Variants in SPOCK3 observed in about 807,000 individuals in gnomAD.
The protein encoded by SPOCK3 is SPARC (osteonectin), cwcv and kazal like domains proteoglycan 3.
A neutral mutation model predicts 56.6 loss-of-function variants in SPOCK3; 30 were observed. The ratio of observed to expected loss-of-function variants is 0.53; its 90% CI spans 0.40 to 0.72. SPOCK3 has a LOEUF of 0.72. SPOCK3 is among the 30% of genes least tolerant of loss of function. SPOCK3 has a pLI of 0.00. For missense variants in SPOCK3, 527 were observed against 530.0 expected (o/e 0.99, Z 0.06); for synonymous variants, 196 against 183.3 (o/e 1.07, Z -0.56).
intron 2 of SPOCK3, among the ~76,000 whole-genome samples, chr4:167,093,824 G>A (rs1394618340): frequency 6.6e-6 from 1 of 152,134 alleles, no homozygotes; most frequent in African/African-American, 2.4e-5. Context: ...TGGGATTGCT[G>A]GGTCAAATGG....
At chr4:167,057,854 C>T (rs1162455494) in intron 3 of SPOCK3, among the ~76,000 whole-genome samples, 1 of 152,118 alleles carries the variant, frequency 6.6e-6, no homozygotes, top group Non-Finnish European at 1.5e-5. Context: ...TTTAACACCC[C>T]ACTGTCAACA....
intron 6 of SPOCK3, among the ~76,000 whole-genome samples, chr4:166,878,569 A>G (rs568273683): frequency 9.6e-4 from 146 of 152,220 alleles, no homozygotes; most frequent in African/African-American, 3.3e-3. Flanking sequence ...TATTTAACTC[A>G]TAGCTTGTAG....
chr4:166,797,290 G>A (rs1156534483), intron 6 of SPOCK3, among the ~76,000 whole-genome samples: 2 of 122,560 alleles, frequency 1.6e-5, no homozygotes, highest in Non-Finnish European at 3.3e-5. Context: ...AGGCTGGAGT[G>A]CAATGTTTCT....
Position 167,087,667 on chromosome 4 carries a change from C to G in SPOCK3, c.190-25130G>C, listed in dbSNP as rs79932540. Among the ~76,000 whole-genome samples, 1,272 of 152,168 alleles carry G rather than the reference C, an allele frequency of 8.4e-3. 17 individuals carry two copies. Among genetic ancestry groups the G allele is most frequent in the African/African-American group, 0.029 (1,211 of 41,524 alleles). On this transcript the variant is annotated intron_variant, in intron 2 of 10. Coordinates refer to ENST00000357545, the MANE Select transcript of SPOCK3 (RefSeq NM_001040159.2). Reference sequence around the variant, plus strand: ...ATCTGAGATTGCTCCTGCAGTAAATCGCCTAAAGTTATTGAATTTATTTCA... The same window carrying G: ...ATCTGAGATTGCTCCTGCAGTAAATGGCCTAAAGTTATTGAATTTATTTCA...
intron 6 of SPOCK3, among the ~76,000 whole-genome samples, chr4:166,811,788 C>G (rs1020586081): frequency 2.6e-5 from 4 of 151,790 alleles, no homozygotes; most frequent in African/African-American, 9.7e-5. Context: ...ATTTTCAAAG[C>G]TATACTTTGT....
rs1223567829 is a variant in SPOCK3 at position 167,194,713 on chromosome 4, G to A, written c.189+39272C>T. 3.3e-5 allele frequency among the ~76,000 whole-genome samples: 5 copies of A among 152,302 alleles called. No homozygotes were observed. The South Asian group carries it at 1.0e-3, about 32-fold the overall frequency. On this transcript the variant is annotated intron_variant, in intron 2 of 10. Transcript: ENST00000357545. The stretch of plus-strand genomic sequence containing the variant: ...TATCAGGTCCCTGGCTGGCAGGCCT[G>A]TTTCAGGGACTTAGGTAGTTGTGGA...
chr4:166,746,195 A>C (rs1412225109), intron 8 of SPOCK3, among the ~76,000 whole-genome samples: 7 of 152,114 alleles, frequency 4.6e-5, no homozygotes, highest in African/African-American at 9.7e-5. Context: ...TTCTTCTCAG[A>C]AGCACATCAC....
chr4:166,850,833 A>G (rs1729930520), intron 6 of SPOCK3, among the ~76,000 whole-genome samples: 1 of 152,168 alleles, frequency 6.6e-6, no homozygotes, highest in Non-Finnish European at 1.5e-5. Context: ...ACAGAGTCTC[A>G]CTGATTGCTA....
At chr4:166,915,253 T>C (rs1429943469) in intron 4 of SPOCK3, among the ~76,000 whole-genome samples, 2 of 152,136 alleles carry the variant, frequency 1.3e-5, no homozygotes, top group Non-Finnish European at 2.9e-5. Flanking sequence ...CAAACCACCA[T>C]GGCAGGTGTA....
At chr4:167,113,326 C>CATTT (rs1761056862) in intron 2 of SPOCK3, among the ~76,000 whole-genome samples, 3 of 151,882 alleles carry the variant, frequency 2.0e-5, no homozygotes, top group African/African-American at 7.2e-5. Flanking sequence ...TATGATTATA[C>CATTT]ATTTATATGA....
At chr4:167,020,074 C>T (rs1223253097) in intron 3 of SPOCK3, among the ~76,000 whole-genome samples, 1 of 152,024 alleles carries the variant, frequency 6.6e-6, no homozygotes, top group Non-Finnish European at 1.5e-5. Context: ...AACTTTGGGA[C>T]CTTTTGTTAC....
intron 5 of SPOCK3, among the ~76,000 whole-genome samples, chr4:166,898,452 C>A (rs1307887421): frequency 6.6e-6 from 1 of 152,056 alleles, no homozygotes; most frequent in Non-Finnish European, 1.5e-5. Flanking sequence ...AGGCACCCAA[C>A]CCAAGTCACT....
chr4:167,079,597 A>G (rs1366942341), intron 2 of SPOCK3, among the ~76,000 whole-genome samples: 1 of 151,950 alleles, frequency 6.6e-6, no homozygotes. Flanking sequence ...GATGCCAAAA[A>G]CACATAAGAA....
At chr4:166,777,243 C>T (rs1446678137) in intron 7 of SPOCK3, among the ~76,000 whole-genome samples, 1 of 151,836 alleles carries the variant, frequency 6.6e-6, no homozygotes, top group Non-Finnish European at 1.5e-5. Flanking sequence ...TGAAAAGAAA[C>T]AAAAACATTG....
chr4:167,036,684 A>G (rs1306793638), intron 3 of SPOCK3, among the ~76,000 whole-genome samples: 1 of 152,128 alleles, frequency 6.6e-6, no homozygotes, highest in African/African-American at 2.4e-5. Context: ...CAATCCATCA[A>G]AACAAAAATG....
intron 2 of SPOCK3, among the ~76,000 whole-genome samples, chr4:167,105,066 G>A (rs1759981857): frequency 6.6e-6 from 1 of 152,022 alleles, no homozygotes; most frequent in Non-Finnish European, 1.5e-5. Context: ...AACAAAAGCT[G>A]AGGGATTTCA....
chr4:167,072,956 C>T (rs895549250), intron 2 of SPOCK3, among the ~76,000 whole-genome samples: 14 of 151,822 alleles, frequency 9.2e-5, no homozygotes, highest in African/African-American at 3.4e-4. Flanking sequence ...TCCTAGAATG[C>T]TTCTTAGGTT....
chr4:166,888,043 T>C (rs1194077718), intron 6 of SPOCK3, among the ~76,000 whole-genome samples: 3 of 152,004 alleles, frequency 2.0e-5, no homozygotes, highest in Admixed American at 6.6e-5. Flanking sequence ...AACATTTAGT[T>C]TTATTTTGTT....
At chr4:166,797,023 T>G (rs1742011437) in intron 6 of SPOCK3, among the ~76,000 whole-genome samples, 1 of 152,076 alleles carries the variant, frequency 6.6e-6, no homozygotes, top group African/African-American at 2.4e-5. Context: ...GACATGAAAA[T>G]GACAATATAA....
Sources: gnomAD v4.1 joint callset for allele counts (sites outside exome capture counted in the v4.1 genomes callset) on GRCh38, gnomAD v4.1.1 for gene constraint, MANE v1.5 for transcripts, NCBI Gene and HGNC (gene_info 2026-07-23, HGNC 2026-07-21) for gene names.